Variants in CBLN2 observed in about 807,000 individuals in gnomAD.
The protein encoded by CBLN2 is cerebellin 2 precursor, also known as cerebellin-2.
A neutral mutation model predicts 15.0 loss-of-function variants in CBLN2; 7 were observed. The ratio of observed to expected loss-of-function variants is 0.47; its 90% confidence interval spans 0.27 to 0.88. The LOEUF (loss-of-function observed/expected upper bound fraction) is 0.88. CBLN2 is among the 40% of genes least tolerant of loss of function. The pLI is 0.14. For synonymous variants in CBLN2, 149 were observed against 135.2 expected, an observed-to-expected ratio of 1.10 and a Z score of -0.71; for missense variants, 242 against 304.5, an observed-to-expected ratio of 0.79 and a Z score of 1.53.
At chr18:72,556,460 A>C (rs936534244) in intron 1 of CBLN2, among the ~76,000 whole-genome samples, 1 of 152,210 alleles carries the variant, frequency 6.6e-6, no homozygotes, top group African/African-American at 2.4e-5. Flanking sequence ...AGAAGGAAGG[A>C]AGGAAAAACA....
chr18:72,558,855 A>G (rs991663066), intron 1 of CBLN2, among the ~76,000 whole-genome samples: 2 of 152,162 alleles, frequency 1.3e-5, no homozygotes, highest in African/African-American at 4.8e-5. Flanking sequence ...GGAGTTCAAG[A>G]CCAACCTGGC....
chr18:72,545,044 T>C (rs2069148627), upstream of CBLN2, among the ~76,000 whole-genome samples: 1 of 152,170 alleles, frequency 6.6e-6, no homozygotes, highest in Non-Finnish European at 1.5e-5. Context: ...GTATTTCTTA[T>C]TCCTCCAGAC....
intron 1 of CBLN2, among the ~76,000 whole-genome samples, chr18:72,575,120 G>A (rs1295080831): frequency 6.6e-6 from 1 of 152,126 alleles, no homozygotes; most frequent in Non-Finnish European, 1.5e-5. Context: ...GTGCAAGTAC[G>A]GTTGGAACAG....
intron 1 of CBLN2, among the ~76,000 whole-genome samples, chr18:72,635,954 G>A (rs745415801): frequency 7.9e-5 from 12 of 152,092 alleles, no homozygotes; most frequent in Non-Finnish European, 1.8e-4. Context: ...TTCTTTTAAG[G>A]TATAAATATA....
At chr18:72,582,926 C>T (rs1224379278) in intron 1 of CBLN2, among the ~76,000 whole-genome samples, 4 of 152,154 alleles carry the variant, frequency 2.6e-5, no homozygotes, top group Non-Finnish European at 5.9e-5. Flanking sequence ...AAATGTTTCC[C>T]ATCAAAACGC....
intron 1 of CBLN2, among the ~76,000 whole-genome samples, chr18:72,621,393 C>G (rs2069699698): frequency 6.6e-6 from 1 of 152,022 alleles, no homozygotes; most frequent in African/African-American, 2.4e-5. Context: ...TATTATGTAT[C>G]AAGATTAGTA....
intron 1 of CBLN2, among the ~76,000 whole-genome samples, chr18:72,574,184 G>T (rs1180743677): frequency 1.3e-5 from 2 of 151,924 alleles, no homozygotes; most frequent in African/African-American, 2.4e-5. Flanking sequence ...TTTGATAATG[G>T]CTATTTATTA....
chr18:72,590,154 A>G (rs2069470607), intron 1 of CBLN2, among the ~76,000 whole-genome samples: 1 of 152,294 alleles, frequency 6.6e-6, no homozygotes, highest in East Asian at 1.9e-4. Context: ...AGTCCCAGCT[A>G]CTCAGGAGGC....
rs535082733 is a variant in CBLN2, at chr18:72,581,113, C to A, written c.16-42341G>T. Reference sequence around the variant, plus strand: ...TTAGTAATTTTCTATCCACTGACTGCCTCACTCTGCTCTTTGATATAAATC... The same window carrying A: ...TTAGTAATTTTCTATCCACTGACTGACTCACTCTGCTCTTTGATATAAATC... On this transcript the variant is annotated intron_variant, in intron 1 of 2. Coordinates refer to the CBLN2 transcript ENST00000581073. Among the ~76,000 whole-genome samples, 353 of 152,288 alleles carry A rather than the reference C, an allele frequency of 2.3e-3. 1 individual carries two copies. The highest frequency in any genetic ancestry group is 8.1e-3 in the African/African-American group (336 of 41,556).
rs72971204 is a variant in CBLN2 at position 72,577,648 on chromosome 18, G to A, written c.16-38876C>T. 8.1e-3 allele frequency among the ~76,000 whole-genome samples: 1,236 copies of A among 152,318 alleles called. 18 individuals are homozygous for A. The highest frequency in any genetic ancestry group is 0.038 in the East Asian group (196 of 5,178). ...AGTCTCCATGGGCAAGAGCCAGTGC[G>A]TGCAAAGTTTCCCAGGTACGCTCTG... On this transcript the variant is annotated intron_variant, in intron 1 of 2. Transcript: ENST00000581073.
chr18:72,622,014 G>A (rs2069704187), intron 1 of CBLN2, among the ~76,000 whole-genome samples: 1 of 152,138 alleles, frequency 6.6e-6, no homozygotes, highest in Admixed American at 6.5e-5. Context: ...GGTTTTGTTT[G>A]TGGTATTATT....
chr18:72,593,110 G>C (rs1031426119), intron 1 of CBLN2, among the ~76,000 whole-genome samples: 1 of 151,920 alleles, frequency 6.6e-6, no homozygotes, highest in African/African-American at 2.4e-5. Flanking sequence ...ATTGATTATT[G>C]CAATTCACGA....
At position 72,544,058 on chromosome 18, in the gene CBLN2, T is replaced by G. The variant is rs1339311611; in HGVS notation, c.-293A>C. 6.6e-6 allele frequency: 1 copy of G among 152,104 alleles called. No homozygotes were observed. The highest frequency in any genetic ancestry group is 2.4e-5 in the African/African-American group (1 of 41,420). 9.4% of individuals were successfully genotyped at this position (152,104 alleles called of 1,614,324 possible). A position where few individuals can be genotyped will look rare whatever the true frequency, so the allele number is the denominator to read the frequency against. On this transcript the variant is annotated 5_prime_UTR_variant, in exon 1 of 5. Transcript: ENST00000269503. ...AAAAGCACCGGTCGCTTCTCTTCTTTTAGATTCTTTCTTTTCTTTCCCCAA... is the reference window on the plus strand; with the variant it reads ...AAAAGCACCGGTCGCTTCTCTTCTTGTAGATTCTTTCTTTTCTTTCCCCAA...
rs75752564 is a variant in CBLN2, at chr18:72,630,654, A to T, written c.15+7671T>A. ...TTAACTGACTTATACAAGGACACTTAGCCTGTTGACAGATATGATTATAAC... is the reference window on the plus strand; with the variant it reads ...TTAACTGACTTATACAAGGACACTTTGCCTGTTGACAGATATGATTATAAC... On this transcript the variant is annotated intron_variant, in intron 1 of 2. Transcript: ENST00000581073. 9.3e-3 allele frequency among the ~76,000 whole-genome samples: 1,421 copies of T among 152,108 alleles called. 11 individuals carry two copies. Among genetic ancestry groups the T allele is most frequent in the Non-Finnish European group, 0.015 (1,020 of 68,002 alleles).
chr18:72,626,506 C>G (rs1482377928), intron 1 of CBLN2, among the ~76,000 whole-genome samples: 1 of 151,972 alleles, frequency 6.6e-6, no homozygotes, highest in Non-Finnish European at 1.5e-5. Flanking sequence ...TCGAGACCAG[C>G]CTGGCCAACA....
intron 1 of CBLN2, among the ~76,000 whole-genome samples, chr18:72,628,276 A>C (rs1316413624): frequency 1.3e-5 from 2 of 152,242 alleles, no homozygotes; most frequent in African/African-American, 2.4e-5. Flanking sequence ...ATAGAAACTG[A>C]AAAACTATTT....
At chr18:72,608,012 C>T (rs1482211011) in intron 1 of CBLN2, among the ~76,000 whole-genome samples, 2 of 152,184 alleles carry the variant, frequency 1.3e-5, no homozygotes, top group Non-Finnish European at 2.9e-5. Context: ...AGGCTTGCAA[C>T]TTCTTATCTA....
At chr18:72,571,804 T>G (rs2069333901) in intron 1 of CBLN2, among the ~76,000 whole-genome samples, 1 of 152,240 alleles carries the variant, frequency 6.6e-6, no homozygotes, top group Non-Finnish European at 1.5e-5. Flanking sequence ...ATGAAAGCTG[T>G]GTCAGACTTA....
intron 1 of CBLN2, among the ~76,000 whole-genome samples, chr18:72,594,262 C>T (rs1170554435): frequency 1.3e-5 from 2 of 152,058 alleles, no homozygotes; most frequent in African/African-American, 4.8e-5. Flanking sequence ...GCACATGTAT[C>T]CCAGAACTTA....
Sources: gnomAD v4.1 joint callset for allele counts (sites outside exome capture counted in the v4.1 genomes callset) on GRCh38, gnomAD v4.1.1 for gene constraint, MANE v1.5 for transcripts, NCBI Gene and HGNC (gene_info 2026-07-23, HGNC 2026-07-21) for gene names.